Variants in RERE observed in about 807,000 individuals in gnomAD.
The protein encoded by RERE is arginine-glutamic acid dipeptide repeats protein.
A neutral mutation model predicts 146.1 loss-of-function variants in RERE; 40 were observed. That is an observed-to-expected ratio of 0.27 (90% CI 0.21 to 0.36). The LOEUF (loss-of-function observed/expected upper bound fraction) is 0.36, where lower values mean the gene tolerates loss of function less well. Ranked by LOEUF, RERE falls within the 10% of genes least tolerant of loss-of-function variation. The probability of loss-of-function intolerance (pLI) is 1.00; values close to 1 mark genes in which losing one functional copy is unlikely to be tolerated. For missense variants in RERE, 1,933 were observed against 2,138.7 expected (o/e 0.90, Z 1.90); for synonymous variants, 1,003 against 866.0 (o/e 1.16, Z -2.78).
intron 1 of RERE, among the ~76,000 whole-genome samples, chr1:8,815,821 G>A (rs1387480634): frequency 6.8e-6 from 1 of 147,306 alleles, no homozygotes; most frequent in East Asian, 2.0e-4. Flanking sequence ...TGAGCCCTCA[G>A]CTTGGTATTG....
At chr1:8,422,916 G>C in intron 11 of RERE, 109 bp from the exon 12 acceptor site, 1 of 815,168 alleles carries the variant, frequency 1.2e-6, no homozygotes, top group Admixed American at 2.0e-5. Flanking sequence ...AAAAGTCTCG[G>C]CTAGGGAATA....
chr1:8,580,921 A>C (rs1158113411), intron 4 of RERE, among the ~76,000 whole-genome samples: 1 of 152,072 alleles, frequency 6.6e-6, no homozygotes, highest in Non-Finnish European at 1.5e-5. Flanking sequence ...CTGATCTCGA[A>C]TTCCTGGGCT....
rs1641317533 is a variant in RERE at position 8,356,906 on chromosome 1, G to T, written c.4340-660C>A. 6.6e-6 allele frequency among the ~76,000 whole-genome samples: 1 copy of T among 152,150 alleles called. No individual in the cohort carries two copies. Among genetic ancestry groups the T allele is most frequent in the Non-Finnish European group, 1.5e-5 (1 of 68,016 alleles). On this transcript the variant is annotated intron_variant, in intron 20 of 22. Transcript: ENST00000400908. This position sits in a 1 kb window ranked among gnomAD's most constrained non-coding sequence, Gnocchi z 5.2. ...CAGCCATGCTGCCCTGGGGTCCCTGGAAGATTGGGAGCCCCCGCTCTGCCT... is the reference window on the plus strand; with the variant it reads ...CAGCCATGCTGCCCTGGGGTCCCTGTAAGATTGGGAGCCCCCGCTCTGCCT...
At chr1:8,574,128 A>C (rs1646259053) in intron 4 of RERE, among the ~76,000 whole-genome samples, 1 of 152,100 alleles carries the variant, frequency 6.6e-6, no homozygotes, top group African/African-American at 2.4e-5. Context: ...TTCCATTAAT[A>C]ATTCACTGCA....
chr1:8,452,102 A>ACCTCTGTCAACTCTGCC (rs1644397151), intron 11 of RERE, among the ~76,000 whole-genome samples: 1 of 151,864 alleles, frequency 6.6e-6, no homozygotes, highest in Non-Finnish European at 1.5e-5. Context: ...CAATTAACTA[A>ACCTCTGTCAACTCTGCC]CCTCTGTCAA....
At chr1:8,553,087 G>A (rs913820512) in intron 6 of RERE, among the ~76,000 whole-genome samples, 3 of 144,610 alleles carry the variant, frequency 2.1e-5, no homozygotes, top group South Asian at 2.2e-4. Flanking sequence ...ACATATACGC[G>A]TGCAACACAG....
At chr1:8,429,767 C>T (rs1644068750) in intron 11 of RERE, 1 of 152,608 alleles carries the variant, frequency 6.6e-6, no homozygotes, top group Non-Finnish European at 1.5e-5. Flanking sequence ...GAAAATGGCT[C>T]CTTCTGTTTT....
At chr1:8,794,722 C>T (rs981123564) in intron 1 of RERE, among the ~76,000 whole-genome samples, 1 of 151,960 alleles carries the variant, frequency 6.6e-6, no homozygotes, top group African/African-American at 2.4e-5. Context: ...CACGGCAAAA[C>T]CCCATCTTTA....
chr1:8,539,172 T>C (rs1479411209), intron 7 of RERE, among the ~76,000 whole-genome samples: 1 of 152,186 alleles, frequency 6.6e-6, no homozygotes, highest in Non-Finnish European at 1.5e-5. Context: ...TAAAATAACA[T>C]CCAATTCCTT....
intron 4 of RERE, among the ~76,000 whole-genome samples, chr1:8,563,956 G>A (rs1431870087): frequency 1.3e-5 from 2 of 152,150 alleles, no homozygotes; most frequent in Admixed American, 1.3e-4. Context: ...CACTAATTAA[G>A]CATACAGAGG....
At chr1:8,589,374 A>C (rs1484372785) in intron 4 of RERE, among the ~76,000 whole-genome samples, 1 of 152,190 alleles carries the variant, frequency 6.6e-6, no homozygotes, top group Non-Finnish European at 1.5e-5. Context: ...TGGGAGGTGG[A>C]GGTTGCAGTG....
intron 9 of RERE, among the ~76,000 whole-genome samples, chr1:8,496,255 G>A (rs184093787): frequency 4.6e-5 from 7 of 151,436 alleles, no homozygotes; most frequent in African/African-American, 1.7e-4. Context: ...GCACAACACC[G>A]TTGACTAGAA....
intron 1 of RERE, among the ~76,000 whole-genome samples, chr1:8,813,314 C>G (rs564734443): frequency 6.6e-6 from 1 of 152,138 alleles, no homozygotes; most frequent in Non-Finnish European, 1.5e-5. Context: ...AAATCGACTG[C>G]AAAAGTAGCT....
intron 12 of RERE, among the ~76,000 whole-genome samples, chr1:8,410,047 G>C (rs775917907): frequency 4.0e-5 from 6 of 148,456 alleles, no homozygotes; most frequent in Non-Finnish European, 8.9e-5. Context: ...ATGAGAGCTG[G>C]GATAAAGACA....
At chr1:8,688,465 G>A (rs11121218) in intron 1 of RERE, among the ~76,000 whole-genome samples, 24,238 of 151,948 alleles carry the variant, frequency 0.16, 2,325 homozygotes, top group Middle Eastern at 0.26. Context: ...GGAGGCTGAG[G>A]CAGAAGAATC....
At chr1:8,634,768 C>T (rs1252845142) in intron 2 of RERE, among the ~76,000 whole-genome samples, 1 of 152,146 alleles carries the variant, frequency 6.6e-6, no homozygotes, top group African/African-American at 2.4e-5. Flanking sequence ...CGGAGTCTTG[C>T]TCTGTCACCC....
chr1:8,786,985 T>C (rs1417873837), intron 1 of RERE: 5 of 614,856 alleles, frequency 8.1e-6, no homozygotes, highest in Middle Eastern at 4.5e-4. Flanking sequence ...GCAGCCAAAG[T>C]GATCTTTATA....
At chr1:8,425,011 T>A (rs1047259738) in intron 11 of RERE, 1 of 152,386 alleles carries the variant, frequency 6.6e-6, no homozygotes, top group Non-Finnish European at 1.5e-5. Context: ...GAAGAGTTCC[T>A]AATTGTAGGC....
chr1:8,390,366 T>C (rs1642842253), intron 12 of RERE, among the ~76,000 whole-genome samples: 1 of 152,342 alleles, frequency 6.6e-6, no homozygotes, highest in East Asian at 1.9e-4. Flanking sequence ...CTGGCATGCA[T>C]GGTTCAGCGC....
Sources: gnomAD v4.1 joint callset for allele counts (sites outside exome capture counted in the v4.1 genomes callset) on GRCh38, gnomAD v4.1.1 for gene constraint, Gnocchi (gnomAD v3.1) non-coding constraint, MANE v1.5 for transcripts, NCBI Gene and HGNC (gene_info 2026-07-23, HGNC 2026-07-21) for gene names.